The following ZSCAN20 variants were observed in gnomAD, a reference collection of about 807,000 sequenced individuals.
The protein encoded by ZSCAN20 is zinc finger and SCAN domain containing 20, also known as zinc finger and SCAN domain-containing protein 20.
A neutral mutation model predicts 97.1 loss-of-function variants in ZSCAN20; 39 were observed. That is an observed-to-expected ratio of 0.40 (90% CI 0.31 to 0.52). The LOEUF is 0.52. Ranked by LOEUF, ZSCAN20 falls within the 20% of genes least tolerant of loss-of-function variation. ZSCAN20 has a pLI of 0.49. For missense variants in ZSCAN20, 1,115 were observed against 1,290.4 expected (o/e 0.86, Z 2.08); for synonymous variants, 456 against 467.3 (o/e 0.98, Z 0.31).
In ZSCAN20 at chr1:33,501,444, A is replaced by G. The variant is rs965891346; in HGVS notation, c.*5968A>G. ...CCTCAGGGATTTAATGTCCAATTCT[A>G]AAACCTGAACAGGCCCTTTTGTTTT... On this transcript the variant is annotated 3_prime_UTR_variant, in exon 8 of 8. Coordinates refer to ENST00000684572, the MANE Select transcript of ZSCAN20 (RefSeq NM_001377376.1). 1.3e-5 allele frequency among the ~76,000 whole-genome samples: 2 copies of G among 152,204 alleles called. No homozygotes were observed. The highest frequency in any genetic ancestry group is 2.9e-5 in the Non-Finnish European group (2 of 68,036).
chr1:33,490,978 C>G (rs1056153212), intron 5 of ZSCAN20, 47 bp from the exon 6 acceptor site: 1 of 1,510,864 alleles, frequency 6.6e-7, no homozygotes, highest in African/African-American at 1.4e-5. Flanking sequence ...GACAAACATG[C>G]CGCTCAACAG....
intron 2 of ZSCAN20, among the ~76,000 whole-genome samples, chr1:33,487,983 T>A (rs996974538): frequency 6.6e-6 from 1 of 152,124 alleles, no homozygotes; most frequent in Middle Eastern, 3.2e-3. Context: ...TTTTTAAAAA[T>A]TTTATTTTAA....
intron 1 of ZSCAN20, among the ~76,000 whole-genome samples, chr1:33,478,676 C>T (rs959559653): frequency 2.2e-4 from 33 of 151,994 alleles, no homozygotes; most frequent in Non-Finnish European, 4.0e-4. Context: ...AGGAGAACAT[C>T]CTTAGAGGAA....
intron 5 of ZSCAN20, among the ~76,000 whole-genome samples, chr1:33,490,491 A>C (rs772117199): frequency 6.6e-6 from 1 of 152,180 alleles, no homozygotes; most frequent in Admixed American, 6.5e-5. Context: ...GCCACAGTAC[A>C]GACTAGCTGA....
At position 33,491,892 on chromosome 1, in the gene ZSCAN20, T is replaced by C. The variant is rs1652634482; in HGVS notation, c.1444+190T>C. On this transcript the variant is annotated intron_variant, in intron 6 of 7. Transcript: ENST00000684572. The surrounding 1 kb of genome is among the most constrained non-coding windows in gnomAD (Gnocchi z 4.3). Reference sequence around the variant, plus strand: ...ACCAAGTCTCTTTGCAAAAGTCTTCTTAGTTATAGAAGCAAACATTTTTAA... The same window carrying C: ...ACCAAGTCTCTTTGCAAAAGTCTTCCTAGTTATAGAAGCAAACATTTTTAA... The C allele has an allele frequency of 1.9e-6, 1 of 516,244 alleles. No individual in the cohort carries two copies. Among genetic ancestry groups the C allele is most frequent in the South Asian group, 5.6e-5 (1 of 17,872 alleles). 32.0% of individuals were successfully genotyped at this position (516,244 alleles called of 1,614,324 possible).
intron 1 of ZSCAN20, among the ~76,000 whole-genome samples, chr1:33,472,981 G>C (rs1651783354): frequency 1.3e-5 from 2 of 151,950 alleles, no homozygotes; most frequent in African/African-American, 4.8e-5. Context: ...GTCATAGAAA[G>C]GTCTGGAGAC....
chr1:33,479,076 A>T, intron 1 of ZSCAN20, 103 bp from the exon 2 acceptor site: 1 of 501,792 alleles, frequency 2.0e-6, no homozygotes, highest in Non-Finnish European at 3.4e-6. Context: ...ATCTCTTAGC[A>T]CCTCTGCCCC....
intron 1 of ZSCAN20, among the ~76,000 whole-genome samples, chr1:33,474,706 T>C (rs1208966963): frequency 6.6e-6 from 1 of 152,186 alleles, no homozygotes; most frequent in Non-Finnish European, 1.5e-5. Flanking sequence ...TGAAAAAATT[T>C]TGAGTTGGTT....
intron 1 of ZSCAN20, among the ~76,000 whole-genome samples, chr1:33,476,262 C>T (rs1208159868): frequency 6.6e-6 from 1 of 152,194 alleles, no homozygotes. Context: ...GTTGGCCTCC[C>T]TCTCCCCACA....
chr1:33,474,096 A>T (rs1651833279), intron 1 of ZSCAN20, among the ~76,000 whole-genome samples: 1 of 152,196 alleles, frequency 6.6e-6, no homozygotes, highest in Admixed American at 6.5e-5. Context: ...AATACATGGA[A>T]TGTGTGCTGC....
Position 33,499,440 on chromosome 1 carries a change from C to T in ZSCAN20, c.*3964C>T, listed in dbSNP as rs1035898387. Among the ~76,000 whole-genome samples, 3 of 152,152 alleles carry T rather than the reference C, an allele frequency of 2.0e-5. No individual in the cohort carries two copies. The highest frequency in any genetic ancestry group is 4.4e-5 in the Non-Finnish European group (3 of 68,028). ...TGCTGTGGCCTCTCCTCTTAGGATCCCAGCTGCCTGCCAACCAGCTGTGCT... is the reference window on the plus strand; with the variant it reads ...TGCTGTGGCCTCTCCTCTTAGGATCTCAGCTGCCTGCCAACCAGCTGTGCT... On this transcript the variant is annotated 3_prime_UTR_variant, in exon 8 of 8. Transcript: ENST00000684572.
rs1653021417 is a variant in ZSCAN20 at position 33,500,283 on chromosome 1, C to T, written c.*4807C>T. Among the ~76,000 whole-genome samples the T allele has an allele frequency of 6.6e-6, 1 of 152,252 alleles. No individual in the cohort carries two copies. The highest frequency in any genetic ancestry group is 1.9e-4 in the East Asian group (1 of 5,174). On this transcript the variant is annotated 3_prime_UTR_variant, in exon 8 of 8. Coordinates refer to ENST00000684572, the MANE Select transcript of ZSCAN20 (RefSeq NM_001377376.1). Reference sequence around the variant, plus strand: ...TGCAGCTGAGTGGGTGACCTTTCTCCTCACCTCCGTGTGCCGCATCTCTCA... The same window carrying T: ...TGCAGCTGAGTGGGTGACCTTTCTCTTCACCTCCGTGTGCCGCATCTCTCA...
Position 33,491,086 on chromosome 1 carries a change from T to A in ZSCAN20, c.828T>A (p.Gly276=), listed in dbSNP as rs1405602030. The change falls in exon 6 of 8, where the codon GGT becomes GGA. Residue 276 remains glycine (G), a synonymous_variant. Coordinates refer to ENST00000684572, the MANE Select transcript of ZSCAN20 (RefSeq NM_001377376.1). This position sits in a 1 kb window ranked among gnomAD's most constrained non-coding sequence, Gnocchi z 4.3. ...SEKEQGPEFW[G]LSLINSGKRS... ...AAGAGCAAGGACCAGAGTTTTGGGG[T>A]CTAAGTCTTATAAATTCTGGGAAAA... 1 of 1,609,930 alleles carries A rather than the reference T, an allele frequency of 6.2e-7. No homozygotes were observed. Among genetic ancestry groups the A allele is most frequent in the Admixed American group, 1.7e-5 (1 of 59,406 alleles).
rs776194584 is a variant in ZSCAN20, at chr1:33,494,352, G to A, written c.2008G>A (p.Glu670Lys). 1.9e-6 allele frequency: 3 copies of A among 1,614,192 alleles called. No individual in the cohort carries two copies. In the East Asian group the frequency reaches 6.7e-5, roughly 36 times the overall value. ...PLDWGEDSEN[E>K]NEDEGQWGNP... ...TGACTGGGGAGAAGACAGTGAAAAT[G>A]AAAATGAAGATGAAGGGCAGTGGGG... Residue 670 changes from glutamate (E) to lysine (K), a missense_variant, in exon 8 of 8, where the codon GAA becomes AAA. Physicochemically the swap from Glu to Lys is moderately conservative, Grantham distance 56 (BLOSUM62 1). Coordinates refer to ENST00000684572, the MANE Select transcript of ZSCAN20 (RefSeq NM_001377376.1).
At chr1:33,481,237 C>T (rs1041169227) in intron 2 of ZSCAN20, among the ~76,000 whole-genome samples, 6 of 152,076 alleles carry the variant, frequency 3.9e-5, no homozygotes, top group Non-Finnish European at 7.4e-5. Context: ...TCTTAAGTGG[C>T]AGTGAAGAAA....
chr1:33,499,110 C>A lies in ZSCAN20; in HGVS notation c.*3634C>A, dbSNP rs1652974635. Among the ~76,000 whole-genome samples the A allele has an allele frequency of 6.6e-6, 1 of 152,122 alleles. No individual in the cohort carries two copies. The highest frequency in any genetic ancestry group is 6.5e-5 in the Admixed American group (1 of 15,268). On this transcript the variant is annotated 3_prime_UTR_variant, in exon 8 of 8. Coordinates refer to ENST00000684572, the MANE Select transcript of ZSCAN20 (RefSeq NM_001377376.1). ...GTCCTGCCTCATCTTGTTCTGGGGC[C>A]CCCAGTGGGGATAGCTCTCTGCTTT...
At position 33,494,573 on chromosome 1, in the gene ZSCAN20, T is replaced by C. The variant is rs201315705; in HGVS notation, c.2229T>C (p.Cys743=). ...TGEKPYKCLE[C]GKNFSDRSNL... ...AGAAGCCCTACAAATGCCTTGAATG[T>C]GGAAAAAACTTTAGTGACCGCTCTA... Residue 743 remains cysteine (C), a synonymous_variant, in exon 8 of 8, where the codon TGT becomes TGC. Coordinates refer to ENST00000684572, the MANE Select transcript of ZSCAN20 (RefSeq NM_001377376.1). 145 of 1,613,748 alleles carry C rather than the reference T, an allele frequency of 9.0e-5. No individual in the cohort carries two copies. Among genetic ancestry groups the C allele is most frequent in the Non-Finnish European group, 1.1e-4 (129 of 1,179,828 alleles).
At chr1:33,484,060 C>T (rs941126087) in intron 2 of ZSCAN20, among the ~76,000 whole-genome samples, 1 of 152,214 alleles carries the variant, frequency 6.6e-6, no homozygotes, top group Admixed American at 6.5e-5. Flanking sequence ...TTGTACCCTG[C>T]AGCCTTGCTA....
rs1442519607 is a variant in ZSCAN20, at chr1:33,500,585, C to T, written c.*5109C>T. 6.6e-6 allele frequency among the ~76,000 whole-genome samples: 1 copy of T among 151,536 alleles called. No homozygotes were observed. The highest frequency in any genetic ancestry group is 1.5e-5 in the Non-Finnish European group (1 of 67,998). ...ATAGACATTGATTTTCTAATGAGGG[C>T]GCTGTTGGTGATTCTTTTTGTGTGT... is the stretch of plus-strand genomic sequence containing the variant. On this transcript the variant is annotated 3_prime_UTR_variant, in exon 8 of 8. Coordinates refer to ENST00000684572, the MANE Select transcript of ZSCAN20 (RefSeq NM_001377376.1).
Sources: allele counts gnomAD v4.1 joint callset (sites outside exome capture counted in the v4.1 genomes callset), GRCh38; gene constraint gnomAD v4.1.1; non-coding constraint Gnocchi (gnomAD v3.1); transcripts MANE v1.5; gene names NCBI Gene and HGNC (gene_info 2026-07-23, HGNC 2026-07-21).